The following STPG2 variants were observed in gnomAD, a reference collection of about 807,000 sequenced individuals.
STPG2 encodes sperm-tail PG-rich repeat-containing protein 2.
A neutral mutation model predicts 54.2 loss-of-function variants in STPG2; 56 were observed. The ratio of observed to expected loss-of-function variants is 1.03; its 90% CI spans 0.83 to 1.29. The LOEUF (loss-of-function observed/expected upper bound fraction) is 1.29. Ranked by LOEUF, STPG2 falls within the 50% of genes most tolerant of loss-of-function variation. The pLI is 0.00. For missense variants in STPG2, 596 were observed against 544.9 expected (o/e 1.09, Z -0.93); for synonymous variants, 200 against 181.8 (o/e 1.10, Z -0.81).
intron 9 of STPG2, among the ~76,000 whole-genome samples, chr4:97,761,282 C>T (rs959210378): frequency 6.6e-6 from 1 of 151,998 alleles, no homozygotes; most frequent in African/African-American, 2.4e-5. Flanking sequence ...AAGACAGGCC[C>T]TTAATCCAAT....
intron 4 of STPG2, among the ~76,000 whole-genome samples, chr4:97,544,298 GC>G (rs1731788180): frequency 6.6e-6 from 1 of 151,962 alleles, no homozygotes; most frequent in Non-Finnish European, 1.5e-5. Context: ...GAGTATGTGG[GC>G]TTTGCAGATT....
At chr4:97,530,102 C>G (rs1432793890) in intron 4 of STPG2, among the ~76,000 whole-genome samples, 1 of 151,878 alleles carries the variant, frequency 6.6e-6, no homozygotes, top group Non-Finnish European at 1.5e-5. Context: ...AAATTTAATC[C>G]TTGATTTTAC....
chr4:97,469,006 C>T (rs1007527971), intron 4 of STPG2, among the ~76,000 whole-genome samples: 1 of 152,054 alleles, frequency 6.6e-6, no homozygotes, highest in Non-Finnish European at 1.5e-5. Context: ...AAGTTTACTG[C>T]CTTCAAAATA....
intron 8 of STPG2, among the ~76,000 whole-genome samples, chr4:97,910,601 C>T (rs1731640880): frequency 6.6e-6 from 1 of 152,082 alleles, no homozygotes; most frequent in Non-Finnish European, 1.5e-5. Context: ...TGACTTTCTA[C>T]TAAAACAGAA....
intron 10 of STPG2, among the ~76,000 whole-genome samples, chr4:97,682,105 G>A (rs796662945): frequency 2.0e-5 from 3 of 151,568 alleles, no homozygotes; most frequent in Admixed American, 6.6e-5. Flanking sequence ...ACAAGTTAAC[G>A]TTAAAAGCAG....
chr4:98,142,729 ATATAT>A lies in STPG2; in HGVS notation c.109+308_109+312del, dbSNP rs965503875. Among the ~76,000 whole-genome samples the A allele has an allele frequency of 6.1e-5, 5 of 81,578 alleles. 1 individual carries two copies. The highest frequency in any genetic ancestry group is 1.8e-4 in the African/African-American group (5 of 27,066). The allele number at this position is 81,578 out of a possible 152,430, so 53.5% of individuals were successfully genotyped here. A position where few individuals can be genotyped will look rare whatever the true frequency, so the allele number is the denominator to read the frequency against. On this transcript the variant is annotated intron_variant, in intron 1 of 10. Transcript: ENST00000295268. ...GTAAGGGCACAGGATTTGGAGACTC[ATATAT>A]TATGTCAACACAGCCAGGAAATCAA...
intron 2 of STPG2, among the ~76,000 whole-genome samples, chr4:98,132,635 A>C (rs1279814921): frequency 6.6e-6 from 1 of 152,028 alleles, no homozygotes; most frequent in South Asian, 2.1e-4. Context: ...CTTCTGATAT[A>C]TAAAAGAAGC....
At chr4:97,656,111 T>C (rs1002454296) in intron 10 of STPG2, among the ~76,000 whole-genome samples, 1 of 152,236 alleles carries the variant, frequency 6.6e-6, no homozygotes, top group Middle Eastern at 3.4e-3. Context: ...GGTCTCTGCC[T>C]GAAGCCCTAT....
intron 6 of STPG2, among the ~76,000 whole-genome samples, chr4:97,978,714 G>A (rs760240000): frequency 4.6e-5 from 7 of 152,036 alleles, no homozygotes; most frequent in Admixed American, 2.0e-4. Context: ...CAAGGAGAAT[G>A]TATAGGAAAT....
At chr4:97,922,074 A>C (rs1249004803) in intron 8 of STPG2, among the ~76,000 whole-genome samples, 2 of 152,176 alleles carry the variant, frequency 1.3e-5, no homozygotes, top group African/African-American at 4.8e-5. Flanking sequence ...TTCTGATAGG[A>C]AGAGTAAGTT....
At chr4:97,703,811 T>C (rs1723863570) in intron 10 of STPG2, among the ~76,000 whole-genome samples, 2 of 148,916 alleles carry the variant, frequency 1.3e-5, no homozygotes, top group African/African-American at 4.9e-5. Context: ...TGTGTGTGTG[T>C]GTATATATAC....
rs1237221715 is a variant in STPG2, at chr4:97,959,128, G to C, written c.933+13152C>G. Reference sequence around the variant, plus strand: ...ATAATATGCTCCTGAATGATCACTGGGTCAACAATGAAATCAAGATGGAAA... The same window carrying C: ...ATAATATGCTCCTGAATGATCACTGCGTCAACAATGAAATCAAGATGGAAA... On this transcript the variant is annotated intron_variant, in intron 7 of 10. Transcript: ENST00000295268. 2.6e-5 allele frequency among the ~76,000 whole-genome samples: 4 copies of C among 151,948 alleles called. 1 individual carries two copies. Among genetic ancestry groups the C allele is most frequent in the African/African-American group, 9.7e-5 (4 of 41,376 alleles).
chr4:97,560,416 G>T (rs1256290869), intron 10 of STPG2, among the ~76,000 whole-genome samples: 6 of 152,084 alleles, frequency 3.9e-5, no homozygotes, highest in Admixed American at 2.0e-4. Context: ...AATCTCATTT[G>T]AAGAACATGA....
rs542395795 is a variant in STPG2, at chr4:97,520,422, C to A, written c.462+192277G>T. 2.0e-5 allele frequency among the ~76,000 whole-genome samples: 3 copies of A among 152,146 alleles called. No homozygotes were observed. In the South Asian group the frequency reaches 6.2e-4, roughly 32 times the overall value. The stretch of plus-strand genomic sequence containing the variant: ...CAACAGTATGATAGCTTGTACCAGT[C>A]TCTACTTGTGAACTCTGTATGATTA... On this transcript the variant is annotated intron_variant, in intron 4 of 4. Transcript: ENST00000522676.
chr4:97,775,505 C>T (rs1342210437), intron 9 of STPG2, among the ~76,000 whole-genome samples: 2 of 152,168 alleles, frequency 1.3e-5, no homozygotes. Context: ...AAACACTACA[C>T]TTGGTTACTG....
At chr4:97,441,455 A>G (rs1021000183) in intron 4 of STPG2, 1 of 151,996 alleles carries the variant, frequency 6.6e-6, no homozygotes, top group Non-Finnish European at 1.5e-5. Flanking sequence ...GATGGAGGAC[A>G]TTATCAACAT....
At chr4:98,105,603 A>G (rs1200134970) in intron 5 of STPG2, among the ~76,000 whole-genome samples, 2 of 152,138 alleles carry the variant, frequency 1.3e-5, no homozygotes, top group East Asian at 3.9e-4. Flanking sequence ...GGCCTCTTAC[A>G]TCTGACTGGG....
intron 10 of STPG2, among the ~76,000 whole-genome samples, chr4:97,649,820 C>G (rs1182277454): frequency 6.6e-6 from 1 of 152,074 alleles, no homozygotes; most frequent in African/African-American, 2.4e-5. Flanking sequence ...TTCCACAGAC[C>G]AGGGGGGACG....
intron 5 of STPG2, among the ~76,000 whole-genome samples, chr4:98,089,976 A>T (rs1207786894): frequency 6.6e-6 from 1 of 151,934 alleles, no homozygotes; most frequent in Non-Finnish European, 1.5e-5. Context: ...TGGTTTGTGA[A>T]TATTTTCTCC....
Sources: gnomAD v4.1 joint callset for allele counts (sites outside exome capture counted in the v4.1 genomes callset) on GRCh38, gnomAD v4.1.1 for gene constraint, MANE v1.5 for transcripts, NCBI Gene and HGNC (gene_info 2026-07-23, HGNC 2026-07-21) for gene names.